Variants in CNTNAP2 observed in about 807,000 individuals in gnomAD.
CNTNAP2 encodes the protein contactin associated protein 2.
Under a neutral mutation model 155.2 loss-of-function variants are expected in CNTNAP2, and 98 were observed. The observed-to-expected ratio is 0.63, with a 90% CI of 0.54 to 0.75. The LOEUF (loss-of-function observed/expected upper bound fraction) is 0.75. Among genes scored for constraint, CNTNAP2 ranks in the 30% least tolerant of loss-of-function variants. The probability of loss-of-function intolerance (pLI) is 0.00; values close to 1 mark genes in which losing one functional copy is unlikely to be tolerated. For missense variants in CNTNAP2, 1,727 were observed against 1,688.1 expected, an observed-to-expected ratio of 1.02 and a Z score of -0.40; for synonymous variants, 651 against 631.2, an observed-to-expected ratio of 1.03 and a Z score of -0.47.
chr7:146,699,057 T>C (rs917384988), intron 1 of CNTNAP2, among the ~76,000 whole-genome samples: 1 of 152,218 alleles, frequency 6.6e-6, no homozygotes, highest in Admixed American at 6.5e-5. Flanking sequence ...GGTTTTAATA[T>C]ACTCATGATA....
rs73154397 is a variant in CNTNAP2, at chr7:147,169,359, G to A, written c.1348+36850G>A. Among the ~76,000 whole-genome samples the A allele has an allele frequency of 9.0e-3, 1,376 of 152,262 alleles. 12 individuals are homozygous for A. The highest frequency in any genetic ancestry group is 0.018 in the South Asian group (89 of 4,826). ...GAAATATTGCATGATGCTGAGGATT[G>A]CAGTATGGATCCTGTCACCTAGGTA... On this transcript the variant is annotated intron_variant, in intron 8 of 23. Transcript: ENST00000361727.
At chr7:147,818,966 A>T (rs958509097) in intron 13 of CNTNAP2, among the ~76,000 whole-genome samples, 42 of 152,126 alleles carry the variant, frequency 2.8e-4, no homozygotes, top group Non-Finnish European at 8.8e-5. Flanking sequence ...CAGAACTTCT[A>T]TTTTTGTAGC....
At chr7:146,948,207 T>C (rs892778646) in intron 3 of CNTNAP2, among the ~76,000 whole-genome samples, 3 of 151,812 alleles carry the variant, frequency 2.0e-5, no homozygotes, top group Non-Finnish European at 4.4e-5. Context: ...GGCCAAATAT[T>C]TTATGCCAAT....
At chr7:147,775,417 A>T (rs1253141829) in intron 13 of CNTNAP2, among the ~76,000 whole-genome samples, 3 of 113,684 alleles carry the variant, frequency 2.6e-5, no homozygotes, top group Admixed American at 1.3e-4. Flanking sequence ...ATATATATTT[A>T]TATATATATA....
intron 1 of CNTNAP2, among the ~76,000 whole-genome samples, chr7:146,390,024 C>T (rs1269234310): frequency 6.6e-6 from 1 of 151,894 alleles, no homozygotes; most frequent in Non-Finnish European, 1.5e-5. Flanking sequence ...GTTTTGGTCT[C>T]TGCCTTTCAT....
At chr7:146,843,689 C>T (rs1460395258) in intron 3 of CNTNAP2, among the ~76,000 whole-genome samples, 7 of 150,874 alleles carry the variant, frequency 4.6e-5, no homozygotes, top group South Asian at 4.2e-4. Flanking sequence ...TTTAGGGCTA[C>T]GTCTTATCAT....
intron 4 of CNTNAP2, among the ~76,000 whole-genome samples, chr7:147,099,886 A>C (rs1800620116): frequency 6.6e-6 from 1 of 152,244 alleles, no homozygotes; most frequent in Non-Finnish European, 1.5e-5. Flanking sequence ...AGCGAAGGCG[A>C]GAAGGCGAGT....
At chr7:146,478,114 G>A (rs1796906212) in intron 1 of CNTNAP2, among the ~76,000 whole-genome samples, 1 of 152,068 alleles carries the variant, frequency 6.6e-6, no homozygotes, top group Non-Finnish European at 1.5e-5. Context: ...AGAGTGTGGA[G>A]GTTTAGTCTG....
chr7:147,781,207 C>T (rs1304474237), intron 13 of CNTNAP2, among the ~76,000 whole-genome samples: 4 of 152,176 alleles, frequency 2.6e-5, no homozygotes, highest in Non-Finnish European at 5.9e-5. Context: ...ATTAGAGGAG[C>T]TCTTTATGTT....
chr7:146,252,917 G>A (rs562142980), intron 1 of CNTNAP2, among the ~76,000 whole-genome samples: 1 of 152,154 alleles, frequency 6.6e-6, no homozygotes, highest in African/African-American at 2.4e-5. Flanking sequence ...AATTATAATG[G>A]CAAAAGCAAG....
intron 1 of CNTNAP2, chr7:146,208,620 C>T (rs1274071125): frequency 2.0e-5 from 3 of 151,596 alleles, no homozygotes; most frequent in African/African-American, 7.3e-5. Flanking sequence ...AAAAAAAGTC[C>T]ACATCATAAA....
chr7:147,064,053 C>T (rs544967001), intron 4 of CNTNAP2, among the ~76,000 whole-genome samples: 4 of 152,056 alleles, frequency 2.6e-5, no homozygotes, highest in African/African-American at 9.7e-5. Context: ...TAGTTAATAG[C>T]ACTGTTTGCA....
chr7:147,093,227 C>A (rs1249495520), intron 4 of CNTNAP2, among the ~76,000 whole-genome samples: 1 of 123,666 alleles, frequency 8.1e-6, no homozygotes, highest in Non-Finnish European at 1.6e-5. Context: ...GGCGAAAGAG[C>A]GAGACTCCAT....
At chr7:147,458,475 CAGTGAA>C (rs1218857607) in intron 10 of CNTNAP2, among the ~76,000 whole-genome samples, 1 of 152,118 alleles carries the variant, frequency 6.6e-6, no homozygotes, top group Non-Finnish European at 1.5e-5. Flanking sequence ...GTCCTTTCAT[CAGTGAA>C]AATGAAAATG....
At chr7:146,238,633 C>A (rs1038877569) in intron 1 of CNTNAP2, among the ~76,000 whole-genome samples, 15 of 152,068 alleles carry the variant, frequency 9.9e-5, no homozygotes, top group African/African-American at 3.1e-4. Context: ...GCAATTCGAG[C>A]ATAAGAAGAA....
At chr7:148,105,668 A>G (rs1271049898) in intron 15 of CNTNAP2, among the ~76,000 whole-genome samples, 2 of 150,962 alleles carry the variant, frequency 1.3e-5, no homozygotes, top group South Asian at 2.1e-4. Flanking sequence ...GCTCACCACA[A>G]CCTCCACCTC....
At chr7:146,625,986 A>G (rs372232831) in intron 1 of CNTNAP2, among the ~76,000 whole-genome samples, 2 of 152,034 alleles carry the variant, frequency 1.3e-5, no homozygotes, top group South Asian at 2.1e-4. Flanking sequence ...ATCTTCATAC[A>G]CTAGTTTGGA....
chr7:146,233,593 C>G (rs1309999114), intron 1 of CNTNAP2, among the ~76,000 whole-genome samples: 1 of 152,128 alleles, frequency 6.6e-6, no homozygotes, highest in Non-Finnish European at 1.5e-5. Flanking sequence ...TTAGGTATAT[C>G]TCCTAAAGCT....
intron 8 of CNTNAP2, among the ~76,000 whole-genome samples, chr7:147,278,460 T>C (rs1049913154): frequency 2.0e-5 from 3 of 151,722 alleles, no homozygotes; most frequent in African/African-American, 7.2e-5. Flanking sequence ...GTTGAATGAG[T>C]AAAATCATGG....
Sources: gnomAD v4.1 joint callset for allele counts (sites outside exome capture counted in the v4.1 genomes callset) on GRCh38, gnomAD v4.1.1 for gene constraint, MANE v1.5 for transcripts, NCBI Gene and HGNC (gene_info 2026-07-23, HGNC 2026-07-21) for gene names.